ASTN2: variants seen among roughly 807,000 people sequenced by gnomAD.
ASTN2 encodes the protein astrotactin-2.
In ASTN2, 54 loss-of-function variants were observed where a neutral mutation model predicts 139.8. That is an observed-to-expected ratio of 0.39 (90% confidence interval 0.31 to 0.48). ASTN2 has a LOEUF of 0.48. Ranked by LOEUF, ASTN2 falls within the 20% of genes least tolerant of loss-of-function variation. The pLI is 0.95. For synonymous variants in ASTN2, 756 were observed against 719.5 expected (o/e 1.05, Z -0.81); for missense variants, 1,565 against 1,725.1 (o/e 0.91, Z 1.64).
At chr9:117,075,036 T>C (rs1828242084) in intron 5 of ASTN2, among the ~76,000 whole-genome samples, 2 of 152,170 alleles carry the variant, frequency 1.3e-5, no homozygotes, top group African/African-American at 2.4e-5. Context: ...ATTTATCATG[T>C]AGGCCAAGAG....
At chr9:117,166,552 C>T (rs538270043) in intron 3 of ASTN2, among the ~76,000 whole-genome samples, 1 of 152,176 alleles carries the variant, frequency 6.6e-6, no homozygotes, top group East Asian at 1.9e-4. Flanking sequence ...TGAAGCAAAA[C>T]AAGCCAAACC....
chr9:117,102,548 G>C (rs527471533), intron 4 of ASTN2, among the ~76,000 whole-genome samples: 2 of 152,110 alleles, frequency 1.3e-5, no homozygotes, highest in African/African-American at 4.8e-5. Context: ...TTGAGACAGA[G>C]TTTCACTCTT....
intron 19 of ASTN2, among the ~76,000 whole-genome samples, chr9:116,571,160 G>A (rs915395678): frequency 6.6e-6 from 1 of 152,138 alleles, no homozygotes; most frequent in Non-Finnish European, 1.5e-5. Flanking sequence ...TGAGACTGAG[G>A]CACAATCCCT....
chr9:117,206,586 C>T (rs1831933026), intron 3 of ASTN2, among the ~76,000 whole-genome samples: 2 of 152,178 alleles, frequency 1.3e-5, no homozygotes, highest in Admixed American at 6.5e-5. Context: ...CAATGGGGCT[C>T]CATCTTCATT....
chr9:117,219,880 G>A (rs932651371), intron 2 of ASTN2, among the ~76,000 whole-genome samples: 6 of 152,170 alleles, frequency 3.9e-5, no homozygotes, highest in Non-Finnish European at 8.8e-5. Flanking sequence ...AGGGTGGGAG[G>A]TGTCAAGGGC....
chr9:117,082,476 C>A (rs749005187), intron 5 of ASTN2, among the ~76,000 whole-genome samples: 5 of 152,172 alleles, frequency 3.3e-5, no homozygotes, highest in Non-Finnish European at 5.9e-5. Context: ...TCACTCTCTT[C>A]CAGTTCTTTC....
chr9:116,853,287 T>A (rs952844674), intron 11 of ASTN2, among the ~76,000 whole-genome samples: 7 of 152,236 alleles, frequency 4.6e-5, no homozygotes, highest in Non-Finnish European at 7.4e-5. Context: ...CCAAAAAAAA[T>A]TTTTAAAGGA....
At chr9:117,336,027 G>A (rs1395610398) in intron 1 of ASTN2, among the ~76,000 whole-genome samples, 1 of 148,714 alleles carries the variant, frequency 6.7e-6, no homozygotes, top group East Asian at 2.0e-4. Flanking sequence ...GTGAGTGTAG[G>A]CAGCTTAAGG....
At chr9:116,512,002 C>T (rs886887932) in intron 19 of ASTN2, among the ~76,000 whole-genome samples, 3 of 152,084 alleles carry the variant, frequency 2.0e-5, no homozygotes, top group South Asian at 2.1e-4. Flanking sequence ...TCTCTAACTC[C>T]TTCAGTCCTG....
chr9:116,808,088 C>T (rs1831073963), intron 12 of ASTN2, among the ~76,000 whole-genome samples: 1 of 152,112 alleles, frequency 6.6e-6, no homozygotes, highest in South Asian at 2.1e-4. Context: ...CACTCCAGCC[C>T]AGGCAACAGT....
chr9:116,991,498 A>G (rs1017555472), intron 7 of ASTN2, among the ~76,000 whole-genome samples: 1 of 152,048 alleles, frequency 6.6e-6, no homozygotes, highest in Non-Finnish European at 1.5e-5. Flanking sequence ...TGTTGAACAC[A>G]TATCTTTTCC....
intron 13 of ASTN2, among the ~76,000 whole-genome samples, chr9:116,799,706 TGG>T (rs71379228): frequency 8.1e-6 from 1 of 123,278 alleles, no homozygotes; most frequent in African/African-American, 3.1e-5. Context: ...GGTAAGAGAG[TGG>T]GGGGGGGGAG....
chr9:116,898,415 A>AAC (rs1174318252), intron 10 of ASTN2, among the ~76,000 whole-genome samples: 1 of 151,412 alleles, frequency 6.6e-6, no homozygotes, highest in Non-Finnish European at 1.5e-5. Context: ...GTCTCAAAAA[A>AAC]AAAAAAAAGA....
At chr9:116,564,090 A>C (rs929746093) in intron 19 of ASTN2, among the ~76,000 whole-genome samples, 3 of 152,252 alleles carry the variant, frequency 2.0e-5, no homozygotes, top group Non-Finnish European at 4.4e-5. Context: ...GTGGAAGCTC[A>C]GAATGGTAAA....
intron 1 of ASTN2, among the ~76,000 whole-genome samples, chr9:117,297,702 T>C (rs928700636): frequency 6.6e-6 from 1 of 152,176 alleles, no homozygotes; most frequent in Non-Finnish European, 1.5e-5. Flanking sequence ...TGGGGGATTA[T>C]CAAACCCTAA....
Position 116,958,687 on chromosome 9 carries a change from C to G in ASTN2, c.1889+16521G>C, listed in dbSNP as rs16934116. Among the ~76,000 whole-genome samples the G allele has an allele frequency of 1.2e-3, 187 of 152,178 alleles. 1 individual carries two copies. In the East Asian group the frequency reaches 0.023, roughly 19 times the overall value. ...GGATGAGTAGGAATAGCCCTAGTCA[C>G]TGGAAATTGGTGGGTATGGCACTGG... is the stretch of plus-strand genomic sequence containing the variant. On this transcript the variant is annotated intron_variant, in intron 10 of 22. Transcript: ENST00000313400.
chr9:117,127,452 A>G (rs1829717254), intron 4 of ASTN2, among the ~76,000 whole-genome samples: 1 of 152,116 alleles, frequency 6.6e-6, no homozygotes, highest in Non-Finnish European at 1.5e-5. Context: ...CTTTCTCTCT[A>G]CGGAAAATAC....
At chr9:117,327,740 C>T (rs1038988538) in intron 1 of ASTN2, among the ~76,000 whole-genome samples, 1 of 152,140 alleles carries the variant, frequency 6.6e-6, no homozygotes, top group Middle Eastern at 3.2e-3. Flanking sequence ...ATCCTCCCTC[C>T]TTCAACAAAT....
chr9:117,224,352 G>C (rs967961907), intron 2 of ASTN2, among the ~76,000 whole-genome samples: 1 of 152,180 alleles, frequency 6.6e-6, no homozygotes, highest in Non-Finnish European at 1.5e-5. Context: ...CTAATAGCTT[G>C]CAAGTAGTGG....
Sources: allele counts gnomAD v4.1 joint callset (sites outside exome capture counted in the v4.1 genomes callset), GRCh38; gene constraint gnomAD v4.1.1; transcripts MANE v1.5; gene names NCBI Gene and HGNC (gene_info 2026-07-23, HGNC 2026-07-21).